Variants in RAP1A observed in about 807,000 individuals in gnomAD.
RAP1A encodes the protein ras-related protein Rap-1A.
A neutral mutation model predicts 26.4 loss-of-function variants in RAP1A; 6 were observed. That is an observed-to-expected ratio of 0.23 (90% CI 0.12 to 0.45). The LOEUF (loss-of-function observed/expected upper bound fraction) is 0.45. Among genes scored for constraint, RAP1A ranks in the 20% least tolerant of loss-of-function variants. The pLI, the probability that RAP1A is intolerant of heterozygous loss-of-function variation, is 0.99. For missense variants in RAP1A, 121 were observed against 217.2 expected (o/e 0.56, Z 2.78); for synonymous variants, 73 against 79.4 (o/e 0.92, Z 0.43).
chr1:111,638,098 T>A (rs1659777136), intron 1 of RAP1A, among the ~76,000 whole-genome samples: 1 of 151,750 alleles, frequency 6.6e-6, no homozygotes, highest in Non-Finnish European at 1.5e-5. Flanking sequence ...TATAAATAAT[T>A]TTATATAGCT....
At chr1:111,586,779 T>C (rs1218871931) in intron 1 of RAP1A, among the ~76,000 whole-genome samples, 1 of 152,140 alleles carries the variant, frequency 6.6e-6, no homozygotes, top group African/African-American at 2.4e-5. Context: ...AAGTAGCTAA[T>C]TGGGAATGTT....
At chr1:111,607,082 A>G (rs1263415137) in intron 1 of RAP1A, among the ~76,000 whole-genome samples, 2 of 150,676 alleles carry the variant, frequency 1.3e-5, no homozygotes, top group Admixed American at 6.6e-5. Flanking sequence ...GGGATTTGGC[A>G]GGGTCATAGG....
upstream of RAP1A, among the ~76,000 whole-genome samples, chr1:111,617,770 G>A (rs962226267): frequency 6.0e-5 from 9 of 149,466 alleles, no homozygotes; most frequent in Admixed American, 4.6e-4. Context: ...CCAGCTGGGC[G>A]CAGTGGCTCA....
At chr1:111,546,915 A>G (rs915421806) in intron 1 of RAP1A, among the ~76,000 whole-genome samples, 8 of 152,170 alleles carry the variant, frequency 5.3e-5, no homozygotes, top group Admixed American at 1.3e-4. Flanking sequence ...TAATTTCTCC[A>G]TATCGTCACC....
intron 1 of RAP1A, among the ~76,000 whole-genome samples, chr1:111,663,805 T>C (rs901242875): frequency 2.0e-5 from 3 of 152,190 alleles, no homozygotes; most frequent in Non-Finnish European, 4.4e-5. Flanking sequence ...ATGGCATCTT[T>C]TATCTGCATT....
At position 111,714,809 on chromosome 1, in the gene RAP1A, G is replaced by GA. The variant is rs1295116919; in HGVS notation, c.*2413dup. 2.0e-5 allele frequency: 3 copies of GA among 152,136 alleles called. No individual in the cohort carries two copies. The highest frequency in any genetic ancestry group is 7.2e-5 in the African/African-American group (3 of 41,414). 9.4% of individuals were successfully genotyped at this position (152,136 alleles called of 1,614,324 possible). ...TGAAAATAAATGTATTTTTATAGCT[G>GA]AAAAATCAAGAGTTTCTAGGATATT... On this transcript the variant is annotated 3_prime_UTR_variant, in exon 8 of 8. Transcript: ENST00000369709.
upstream of RAP1A, among the ~76,000 whole-genome samples, chr1:111,618,232 T>C (rs1477750591): frequency 6.6e-6 from 1 of 152,072 alleles, no homozygotes; most frequent in Non-Finnish European, 1.5e-5. Context: ...AATCAGACTT[T>C]CTCCCCTATG....
intron 1 of RAP1A, among the ~76,000 whole-genome samples, chr1:111,561,953 T>C (rs1179432829): frequency 2.6e-5 from 4 of 152,142 alleles, no homozygotes; most frequent in African/African-American, 9.7e-5. Context: ...CCCTCCCTAC[T>C]GACACCAGGT....
intron 2 of RAP1A, 40 bp from the exon 3 acceptor site, chr1:111,695,301 T>C: frequency 6.9e-7 from 1 of 1,448,348 alleles, no homozygotes; most frequent in Non-Finnish European, 9.4e-7. Context: ...AAAGGAGTTT[T>C]CCTTTAATTT....
intron 1 of RAP1A, among the ~76,000 whole-genome samples, chr1:111,594,502 T>TGGAAGGAA (rs10636653): frequency 8.8e-6 from 1 of 114,112 alleles, no homozygotes; most frequent in African/African-American, 3.1e-5. Context: ...GAAGGACAGA[T>TGGAAGGAA]GGAAGGAAGG....
upstream of RAP1A, among the ~76,000 whole-genome samples, chr1:111,615,724 G>A (rs548117149): frequency 3.5e-3 from 524 of 151,762 alleles, 4 homozygotes; most frequent in African/African-American, 0.012. Flanking sequence ...CCAGCTACTC[G>A]GGAGGCTGAA....
At chr1:111,657,240 C>T (rs1274458865) in intron 1 of RAP1A, among the ~76,000 whole-genome samples, 1 of 152,110 alleles carries the variant, frequency 6.6e-6, no homozygotes, top group African/African-American at 2.4e-5. Flanking sequence ...ATATCTTTCC[C>T]CATGTGGGTT....
intron 1 of RAP1A, among the ~76,000 whole-genome samples, chr1:111,665,630 C>T (rs553382960): frequency 6.6e-6 from 1 of 152,292 alleles, no homozygotes; most frequent in East Asian, 1.9e-4. Context: ...ATTTCCATTT[C>T]ACTTAGTCAA....
At chr1:111,673,888 G>A (rs1244375270) in intron 1 of RAP1A, among the ~76,000 whole-genome samples, 1 of 152,114 alleles carries the variant, frequency 6.6e-6, no homozygotes, top group Non-Finnish European at 1.5e-5. Context: ...GTATACATTC[G>A]TGACCCATGG....
chr1:111,660,912 C>G (rs1334797774), intron 1 of RAP1A, among the ~76,000 whole-genome samples: 1 of 152,246 alleles, frequency 6.6e-6, no homozygotes, highest in South Asian at 2.1e-4. Context: ...ACTCTGTCCT[C>G]TAACTGCCCA....
intron 1 of RAP1A, among the ~76,000 whole-genome samples, chr1:111,564,605 C>T (rs966814653): frequency 6.6e-5 from 10 of 150,928 alleles, no homozygotes; most frequent in East Asian, 4.0e-4. Flanking sequence ...CTCCACCTCC[C>T]GGGTTCACAC....
At chr1:111,581,298 T>C (rs1008836542) in intron 1 of RAP1A, among the ~76,000 whole-genome samples, 12 of 152,108 alleles carry the variant, frequency 7.9e-5, no homozygotes, top group Non-Finnish European at 1.8e-4. Flanking sequence ...ACATGAAGAC[T>C]GGAGAGAGGG....
chr1:111,566,092 C>T (rs1657912446), intron 1 of RAP1A, among the ~76,000 whole-genome samples: 2 of 152,078 alleles, frequency 1.3e-5, no homozygotes, highest in South Asian at 2.1e-4. Context: ...GTCTGAAGGT[C>T]TCGTGTGTTA....
intron 1 of RAP1A, among the ~76,000 whole-genome samples, chr1:111,668,270 A>G (rs188796827): frequency 6.6e-6 from 1 of 152,362 alleles, no homozygotes; most frequent in Admixed American, 6.5e-5. Flanking sequence ...ACACAACTCA[A>G]AAAGAAAAAG....
Sources: allele counts gnomAD v4.1 joint callset (sites outside exome capture counted in the v4.1 genomes callset), GRCh38; gene constraint gnomAD v4.1.1; transcripts MANE v1.5; gene names NCBI Gene and HGNC (gene_info 2026-07-23, HGNC 2026-07-21).